Variants in CPN1 observed in about 807,000 individuals in gnomAD.
The protein encoded by CPN1 is carboxypeptidase N subunit 1.
A neutral mutation model predicts 46.4 loss-of-function variants in CPN1; 37 were observed. That is an observed-to-expected ratio of 0.80 (90% CI 0.61 to 1.05). The LOEUF is 1.05. Among genes scored for constraint, CPN1 ranks in the 50% least tolerant of loss-of-function variants. The pLI is 0.00. For synonymous variants in CPN1, 224 were observed against 235.4 expected (o/e 0.95, Z 0.44); for missense variants, 563 against 602.6 (o/e 0.93, Z 0.69).
chr10:100,075,882 C>A, intron 2 of CPN1, 29 bp downstream of exon 2: 3 of 1,611,518 alleles, frequency 1.9e-6, no homozygotes, highest in Non-Finnish European at 2.5e-6. Context: ...GCCTTGATCT[C>A]TCCCCGGCAT....
intron 8 of CPN1, among the ~76,000 whole-genome samples, chr10:100,047,923 C>T (rs918711992): frequency 9.2e-5 from 14 of 151,954 alleles, no homozygotes; most frequent in Non-Finnish European, 1.8e-4. Context: ...ACCTGGGAGG[C>T]GGGTGTTGCG....
At position 100,046,618 on chromosome 10, in the gene CPN1, C is replaced by T. The variant is rs571026655; in HGVS notation, c.1230+2140G>A. Among the ~76,000 whole-genome samples the T allele has an allele frequency of 1.1e-3, 163 of 151,508 alleles. 2 individuals carry two copies. Among genetic ancestry groups the T allele is most frequent in the African/African-American group, 3.9e-3 (160 of 41,212 alleles). ...TGAAAACCCGTCTCTACTAAAAATGCAAAAATTAGCTGGGCGTGGTGGCAC... is the reference window on the plus strand; with the variant it reads ...TGAAAACCCGTCTCTACTAAAAATGTAAAAATTAGCTGGGCGTGGTGGCAC... On this transcript the variant is annotated intron_variant, in intron 8 of 8. Coordinates refer to ENST00000370418, the MANE Select transcript of CPN1 (RefSeq NM_001308.3).
chr10:100,060,708 C>T (rs1169650887), intron 5 of CPN1, among the ~76,000 whole-genome samples: 1 of 152,138 alleles, frequency 6.6e-6, no homozygotes, highest in African/African-American at 2.4e-5. Flanking sequence ...TATGGAGGTT[C>T]CTCAAAAAAC....
intron 3 of CPN1, among the ~76,000 whole-genome samples, chr10:100,066,744 A>G (rs1360105336): frequency 6.6e-6 from 1 of 152,264 alleles, no homozygotes; most frequent in African/African-American, 2.4e-5. Flanking sequence ...GACCAAGGTC[A>G]GCTCTACAGG....
chr10:100,066,932 C>A (rs1292778641), intron 3 of CPN1, among the ~76,000 whole-genome samples: 1 of 152,214 alleles, frequency 6.6e-6, no homozygotes, highest in Admixed American at 6.5e-5. Context: ...TGTTCCTCTT[C>A]CTCAAGGATA....
intron 7 of CPN1, among the ~76,000 whole-genome samples, chr10:100,052,629 G>T (rs1233782317): frequency 6.6e-6 from 1 of 152,166 alleles, no homozygotes; most frequent in East Asian, 1.9e-4. Context: ...ACTTTGGGAG[G>T]CTGAGGCAGG....
chr10:100,079,423 T>C (rs967772724), intron 1 of CPN1, among the ~76,000 whole-genome samples: 5 of 152,230 alleles, frequency 3.3e-5, no homozygotes, highest in Admixed American at 6.5e-5. Flanking sequence ...CAGTGAGGGC[T>C]AGAGTCCTGT....
chr10:100,048,518 C>T (rs11190380), intron 8 of CPN1, among the ~76,000 whole-genome samples: 7,248 of 151,924 alleles, frequency 0.048, 560 homozygotes, highest in African/African-American at 0.17. Context: ...GGTAACATGA[C>T]GAAATCCTTT....
intron 4 of CPN1, 67 bp downstream of exon 4, chr10:100,065,121 T>C: frequency 4.5e-6 from 7 of 1,561,306 alleles, no homozygotes; most frequent in South Asian, 2.4e-5. Context: ...GGTTCTGTGT[T>C]ACTGACCTTA....
At chr10:100,072,857 C>T (rs766372421) in intron 2 of CPN1, among the ~76,000 whole-genome samples, 1 of 152,108 alleles carries the variant, frequency 6.6e-6, no homozygotes, top group Non-Finnish European at 1.5e-5. Context: ...TGTTAAAAGG[C>T]TCATTCAAAA....
At position 100,067,203 on chromosome 10, in the gene CPN1, G is replaced by A. The variant is rs35651821; in HGVS notation, c.577-1833C>T. Reference sequence around the variant, plus strand: ...TGCAGTGATGCCATCTGCAACCTCCGCCATCTGGGTTCAAGCAATTCTCCT... The same window carrying A: ...TGCAGTGATGCCATCTGCAACCTCCACCATCTGGGTTCAAGCAATTCTCCT... On this transcript the variant is annotated intron_variant, in intron 3 of 8. Coordinates refer to ENST00000370418, the MANE Select transcript of CPN1 (RefSeq NM_001308.3). 6.7e-3 allele frequency among the ~76,000 whole-genome samples: 1,020 copies of A among 152,176 alleles called. 7 individuals carry two copies. The highest frequency in any genetic ancestry group is 9.1e-3 in the Non-Finnish European group (622 of 67,998).
intron 2 of CPN1, among the ~76,000 whole-genome samples, chr10:100,070,480 TA>T (rs1367720765): frequency 1.3e-5 from 2 of 151,744 alleles, no homozygotes; most frequent in South Asian, 2.1e-4. Flanking sequence ...AGGCTCTGTC[TA>T]AAAAAAACAA....
chr10:100,046,159 A>T (rs1437848231), intron 8 of CPN1, among the ~76,000 whole-genome samples: 9 of 152,218 alleles, frequency 5.9e-5, no homozygotes, highest in African/African-American at 2.2e-4. Context: ...TTTTTGCGGC[A>T]TGAGTGGAAA....
At chr10:100,077,540 C>G (rs1056295887) in intron 1 of CPN1, among the ~76,000 whole-genome samples, 1 of 152,014 alleles carries the variant, frequency 6.6e-6, no homozygotes, top group Non-Finnish European at 1.5e-5. Flanking sequence ...TGGGTTTTAC[C>G]TATTTTTATA....
At chr10:100,072,470 G>A (rs2041491767) in intron 2 of CPN1, among the ~76,000 whole-genome samples, 1 of 152,116 alleles carries the variant, frequency 6.6e-6, no homozygotes, top group African/African-American at 2.4e-5. Context: ...ACGGCCTTAT[G>A]TTTAACTTTT....
rs765185357 is a variant in CPN1 at position 100,048,981 on chromosome 10, C to T, written c.1112-105G>A. 2.8e-4 allele frequency: 223 copies of T among 802,764 alleles called. 2 individuals carry two copies. Among genetic ancestry groups the T allele is most frequent in the South Asian group, 1.0e-3 (75 of 74,274 alleles). The allele number at this position is 802,764 out of a possible 1,614,324, so 49.7% of individuals were successfully genotyped here. ...GGTTGGCTTTTCTTTTTTTTTGAGA[C>T]GGGGTCTTGCTCTGTCACCCAGGCT... On this transcript the variant is annotated intron_variant, in intron 7 of 8. Transcript: ENST00000370418.
In CPN1 at chr10:100,058,425, T is replaced by C. The variant is rs114193612; in HGVS notation, c.872-1273A>G. Among the ~76,000 whole-genome samples the C allele has an allele frequency of 1.4e-3, 212 of 152,332 alleles. 1 individual carries two copies. Among genetic ancestry groups the C allele is most frequent in the African/African-American group, 4.8e-3 (201 of 41,582 alleles). ...TACCCATCCCAGAAAAACAGACTCC[T>C]GAAGAAGCAGAAGACAGCTATATTT... On this transcript the variant is annotated intron_variant, in intron 5 of 8. Coordinates refer to ENST00000370418, the MANE Select transcript of CPN1 (RefSeq NM_001308.3).
intron 8 of CPN1, among the ~76,000 whole-genome samples, chr10:100,044,615 A>G (rs2041297407): frequency 6.6e-6 from 1 of 151,988 alleles, no homozygotes; most frequent in Admixed American, 6.6e-5. Context: ...GGCTCAAGTG[A>G]TCTGCCAGCC....
chr10:100,046,381 A>C (rs2041312223), intron 8 of CPN1, among the ~76,000 whole-genome samples: 1 of 152,118 alleles, frequency 6.6e-6, no homozygotes, highest in Non-Finnish European at 1.5e-5. Flanking sequence ...CCAAGGTGTG[A>C]GGATCTCTTG....
Sources: gnomAD v4.1 joint callset for allele counts (sites outside exome capture counted in the v4.1 genomes callset) on GRCh38, gnomAD v4.1.1 for gene constraint, MANE v1.5 for transcripts, NCBI Gene and HGNC (gene_info 2026-07-23, HGNC 2026-07-21) for gene names.